DNAAF11: variants seen among roughly 807,000 people sequenced by gnomAD.
The protein encoded by DNAAF11 is leucine rich repeat containing 6.
Under a neutral mutation model 60.8 loss-of-function variants are expected in DNAAF11, and 45 were observed. The observed-to-expected ratio is 0.74, with a 90% confidence interval of 0.58 to 0.95. The LOEUF is 0.95. DNAAF11 is among the 40% of genes least tolerant of loss of function. The probability of loss-of-function intolerance (pLI) is 0.00; values close to 1 mark genes in which losing one functional copy is unlikely to be tolerated. For missense variants in DNAAF11, 546 were observed against 546.2 expected, an observed-to-expected ratio of 1.00 and a Z score of 0.00; for synonymous variants, 191 against 183.5, an observed-to-expected ratio of 1.04 and a Z score of -0.33.
chr8:132,669,940 C>CAAAAAAAAAAA (rs35402875), intron 1 of DNAAF11, among the ~76,000 whole-genome samples: 4 of 69,774 alleles, frequency 5.7e-5, no homozygotes, highest in African/African-American at 1.6e-4. Flanking sequence ...GACTCCGTCT[C>CAAAAAAAAAAA]AAAAAAAAAA....
At chr8:132,674,344 C>A (rs758872164) in intron 1 of DNAAF11, among the ~76,000 whole-genome samples, 6 of 151,782 alleles carry the variant, frequency 4.0e-5, no homozygotes, top group Non-Finnish European at 8.8e-5. Flanking sequence ...ACAAATCACT[C>A]CCCCCCGACC....
intron 8 of DNAAF11, 94 bp downstream of exon 8, chr8:132,614,944 C>A (rs1818996357): frequency 1.4e-6 from 1 of 734,086 alleles, no homozygotes; most frequent in South Asian, 1.8e-5. Context: ...AGGTCTAAGT[C>A]AATTCCATTT....
At chr8:132,643,310 C>T (rs1586670806) in intron 3 of DNAAF11, 1 of 200,102 alleles carries the variant, frequency 5.0e-6, no homozygotes, top group East Asian at 1.1e-4. Context: ...CTGTGGAACA[C>T]ATACTTAAGT....
At chr8:132,656,944 T>C in intron 2 of DNAAF11, 37 bp from the exon 3 acceptor site, 1 of 747,530 alleles carries the variant, frequency 1.3e-6, no homozygotes. Context: ...ATAATTAATC[T>C]TCAAAATAAA....
intron 3 of DNAAF11, among the ~76,000 whole-genome samples, chr8:132,649,880 G>C (rs1822823533): frequency 6.6e-6 from 1 of 152,196 alleles, no homozygotes; most frequent in Admixed American, 6.5e-5. Flanking sequence ...AGGTGCTGGA[G>C]AGGATGTGGA....
chr8:132,577,655 C>T (rs919785201), intron 11 of DNAAF11, among the ~76,000 whole-genome samples: 2 of 152,066 alleles, frequency 1.3e-5, no homozygotes, highest in Admixed American at 1.3e-4. Context: ...ATTGACATGG[C>T]ACTTTTTTAT....
chr8:132,645,859 G>C (rs1433351874), intron 3 of DNAAF11, among the ~76,000 whole-genome samples: 2 of 152,224 alleles, frequency 1.3e-5, no homozygotes, highest in African/African-American at 4.8e-5. Flanking sequence ...ATCTACATCT[G>C]ATTGGTGTAC....
At chr8:132,681,387 G>C in the DNAAF11 span, among the ~76,000 whole-genome samples, 1 of 144,606 alleles carries the variant, frequency 6.9e-6, no homozygotes, top group Non-Finnish European at 1.5e-5. Context: ...TACAATTACT[G>C]TCTCCATCTT....
intron 3 of DNAAF11, among the ~76,000 whole-genome samples, chr8:132,638,783 C>T (rs1188868545): frequency 6.6e-6 from 1 of 152,184 alleles, no homozygotes; most frequent in Non-Finnish European, 1.5e-5. Context: ...ACCTTCATTA[C>T]AGAGATAGCC....
intron 6 of DNAAF11, 54 bp from the exon 7 acceptor site, chr8:132,622,742 C>G: frequency 8.1e-7 from 1 of 1,236,078 alleles, no homozygotes; most frequent in Non-Finnish European, 1.2e-6. Context: ...AAAAAACAAG[C>G]AAAGAGAATA....
chr8:132,620,954 T>C (rs1439140402), intron 7 of DNAAF11, among the ~76,000 whole-genome samples: 1 of 152,078 alleles, frequency 6.6e-6, no homozygotes, highest in Non-Finnish European at 1.5e-5. Context: ...ATCACCTACA[T>C]GTTTGATAAA....
At chr8:132,626,041 G>C (rs1376177192) in intron 5 of DNAAF11, among the ~76,000 whole-genome samples, 1 of 150,826 alleles carries the variant, frequency 6.6e-6, no homozygotes, top group Non-Finnish European at 1.5e-5. Flanking sequence ...GGGACCTATG[G>C]CACCTTCTTT....
chr8:132,622,506 G>C (rs1273202963), intron 7 of DNAAF11, 105 bp downstream of exon 7: 5 of 787,868 alleles, frequency 6.3e-6, no homozygotes, highest in Non-Finnish European at 1.1e-5. Flanking sequence ...GTTAAGAGCA[G>C]TCAGAAATAT....
intron 1 of DNAAF11, among the ~76,000 whole-genome samples, chr8:132,674,254 A>C (rs1825547654): frequency 6.6e-6 from 1 of 152,086 alleles, no homozygotes; most frequent in Non-Finnish European, 1.5e-5. Context: ...AACTAGGGTG[A>C]GACCAGGGGA....
chr8:132,591,710 G>A (rs1816485352), intron 10 of DNAAF11, among the ~76,000 whole-genome samples: 1 of 152,010 alleles, frequency 6.6e-6, no homozygotes, highest in Non-Finnish European at 1.5e-5. Context: ...GAAGTTCTCT[G>A]TTGAGCACGT....
chr8:132,670,893 C>G (rs548021171), intron 1 of DNAAF11, among the ~76,000 whole-genome samples: 1 of 152,210 alleles, frequency 6.6e-6, no homozygotes, highest in Admixed American at 6.5e-5. Flanking sequence ...ACAAAATCCA[C>G]CATCCATTCC....
At chr8:132,629,350 T>C (rs1820579927) in intron 5 of DNAAF11, among the ~76,000 whole-genome samples, 1 of 151,736 alleles carries the variant, frequency 6.6e-6, no homozygotes, top group Admixed American at 6.6e-5. Context: ...TCTTTTTTTT[T>C]TTCTTTTTTT....
chr8:132,638,699 T>C (rs189296803), intron 3 of DNAAF11, among the ~76,000 whole-genome samples: 22 of 151,984 alleles, frequency 1.4e-4, no homozygotes, highest in African/African-American at 4.8e-4. Flanking sequence ...GAATAAGACG[T>C]TTTGATGTTC....
intron 10 of DNAAF11, among the ~76,000 whole-genome samples, chr8:132,593,357 A>ATATT (rs1360481377): frequency 6.9e-6 from 1 of 144,502 alleles, no homozygotes; most frequent in Non-Finnish European, 1.5e-5. Context: ...ATATATATAT[A>ATATT]TATATTTATA....
Sources: allele counts gnomAD v4.1 joint callset (sites outside exome capture counted in the v4.1 genomes callset), GRCh38; gene constraint gnomAD v4.1.1; transcripts MANE v1.5; gene names NCBI Gene and HGNC (gene_info 2026-07-23, HGNC 2026-07-21).